The following LACTB2 variants were observed in gnomAD, a reference collection of about 807,000 sequenced individuals.
The protein encoded by LACTB2 is lactamase beta 2, also known as endoribonuclease LACTB2.
A neutral mutation model predicts 34.8 loss-of-function variants in LACTB2; 32 were observed. The ratio of observed to expected loss-of-function variants is 0.92; its 90% CI spans 0.69 to 1.24. The LOEUF (loss-of-function observed/expected upper bound fraction) is 1.24. Ranked by LOEUF, LACTB2 falls within the 50% of genes most tolerant of loss-of-function variation. The pLI, the probability that LACTB2 is intolerant of heterozygous loss-of-function variation, is 0.00. For missense variants in LACTB2, 320 were observed against 345.0 expected (o/e 0.93, Z 0.57); for synonymous variants, 120 against 117.5 (o/e 1.02, Z -0.14).
intron 2 of LACTB2, among the ~76,000 whole-genome samples, chr8:70,659,551 A>G (rs1037665352): frequency 6.6e-6 from 1 of 152,218 alleles, no homozygotes; most frequent in Non-Finnish European, 1.5e-5. Context: ...GCCGAAGGAA[A>G]ACAATGATAT....
intron 3 of LACTB2, among the ~76,000 whole-genome samples, chr8:70,649,777 C>T (rs1432897444): frequency 6.6e-6 from 1 of 152,180 alleles, no homozygotes; most frequent in Non-Finnish European, 1.5e-5. Context: ...CTAGACGCAA[C>T]CACTTTCACC....
intron 2 of LACTB2, among the ~76,000 whole-genome samples, chr8:70,659,226 A>C (rs1241121032): frequency 6.6e-6 from 1 of 152,096 alleles, no homozygotes. Flanking sequence ...ATCACTGCAC[A>C]CTCTTTAGTA....
In LACTB2 at chr8:70,643,745, C is replaced by T. The variant is rs189180208; in HGVS notation, c.592+320G>A. ...GGCCAGGCTGGTCTTGAACTCCTGA[C>T]CTCATGATCTGCCCACCTTGGCATC... On this transcript the variant is annotated intron_variant, in intron 4 of 6. Transcript: ENST00000276590. Among the ~76,000 whole-genome samples the T allele has an allele frequency of 3.1e-3, 465 of 152,228 alleles. 1 individual carries two copies. Among genetic ancestry groups the T allele is most frequent in the Middle Eastern group, 0.027 (8 of 294 alleles).
chr8:70,666,557 C>G (rs62533061), intron 1 of LACTB2, among the ~76,000 whole-genome samples: 46 of 152,060 alleles, frequency 3.0e-4, no homozygotes, highest in Non-Finnish European at 6.3e-4. Context: ...CTGATGGAGG[C>G]CAGAATACAC....
At chr8:70,660,770 C>T (rs1016299795) in intron 2 of LACTB2, 3 of 456,272 alleles carry the variant, frequency 6.6e-6, no homozygotes, top group African/African-American at 6.0e-5. Flanking sequence ...CTGCATAGCA[C>T]CCATGATTAT....
At chr8:70,668,947 C>G (rs949190572) in intron 1 of LACTB2, 52 bp downstream of exon 1, 1 of 1,549,918 alleles carries the variant, frequency 6.5e-7, no homozygotes, top group Non-Finnish European at 8.7e-7. Context: ...AGTCAAAGCC[C>G]GGGCTCCGGG....
chr8:70,658,968 A>G (rs1336422345), intron 2 of LACTB2, among the ~76,000 whole-genome samples: 2 of 151,604 alleles, frequency 1.3e-5, no homozygotes, highest in Non-Finnish European at 2.9e-5. Flanking sequence ...CGGAGGTTGC[A>G]GTGAGCCAAG....
intron 4 of LACTB2, among the ~76,000 whole-genome samples, chr8:70,642,733 C>T (rs192240000): frequency 7.5e-4 from 114 of 152,256 alleles, no homozygotes; most frequent in African/African-American, 2.6e-3. Context: ...ATCTGCCTGC[C>T]TTGGCCTCCC....
At chr8:70,668,904 G>T in intron 1 of LACTB2, 95 bp downstream of exon 1, 1 of 1,504,684 alleles carries the variant, frequency 6.6e-7, no homozygotes, top group Non-Finnish European at 8.9e-7. Flanking sequence ...GGGACAGGAC[G>T]CGGCGCTCTC....
At chr8:70,666,954 CAA>C (rs765510452) in intron 1 of LACTB2, among the ~76,000 whole-genome samples, 28 of 152,094 alleles carry the variant, frequency 1.8e-4, no homozygotes, top group Non-Finnish European at 3.1e-4. Flanking sequence ...GTCTGAAGAT[CAA>C]GTTTGGAATT....
In LACTB2 at chr8:70,644,300, AT is replaced by A. The variant is rs1044114048; in HGVS notation, c.414-58del. 1.1e-5 allele frequency: 13 copies of A among 1,210,410 alleles called. No homozygotes were observed. The African/African-American group carries it at 1.4e-4, about 13-fold the overall frequency. The allele number at this position is 1,210,410 out of a possible 1,614,324, so 75.0% of individuals were successfully genotyped here. On this transcript the variant is annotated intron_variant, in intron 3 of 6. Coordinates refer to ENST00000276590, the MANE Select transcript of LACTB2 (RefSeq NM_016027.3). ...AATTATGAACTCGAGCTTAGAAGAA[AT>A]TTTGAGAAGTAAATTATTCTGTATC...
In LACTB2 at chr8:70,669,153, ATCTGGAT is replaced by A. The variant is rs751884119; in HGVS notation, c.-40_-34del. The A allele has an allele frequency of 5.0e-6, 8 of 1,610,262 alleles. No homozygotes were observed. In the East Asian group the frequency reaches 1.6e-4, roughly 31 times the overall value. ...TCAGCCGCCCGCCGGCGTGTCGCCTATCTGGATACTCCAGCGCGGAAGAAGCCAACAG... is the reference window on the plus strand; with the variant it reads ...TCAGCCGCCCGCCGGCGTGTCGCCTAACTCCAGCGCGGAAGAAGCCAACAG... On this transcript the variant is annotated 5_prime_UTR_variant, in exon 1 of 7. Transcript: ENST00000276590.
At chr8:70,642,198 C>T (rs1327351370) in intron 4 of LACTB2, among the ~76,000 whole-genome samples, 1 of 152,220 alleles carries the variant, frequency 6.6e-6, no homozygotes. Context: ...TCAACGTCTG[C>T]CCTCTTCGCT....
chr8:70,650,468 C>T (rs28446703), intron 3 of LACTB2, among the ~76,000 whole-genome samples: 1,705 of 152,170 alleles, frequency 0.011, 27 homozygotes, highest in Non-Finnish European at 0.017. Flanking sequence ...AGGCCAGGTG[C>T]GGTAGCTCAT....
intron 3 of LACTB2, among the ~76,000 whole-genome samples, chr8:70,653,258 ACAC>A (rs1471408766): frequency 6.6e-6 from 1 of 152,082 alleles, no homozygotes. Flanking sequence ...CCATAGGCAC[ACAC>A]CACCATGCCT....
chr8:70,657,467 G>A (rs1490479424), intron 3 of LACTB2, among the ~76,000 whole-genome samples: 1 of 142,866 alleles, frequency 7.0e-6, no homozygotes, highest in Non-Finnish European at 1.5e-5. Context: ...GGTTTCACTC[G>A]GTTGCACAGG....
intron 1 of LACTB2, chr8:70,662,432 G>C (rs367727486): frequency 3.3e-4 from 50 of 152,070 alleles, no homozygotes; most frequent in African/African-American, 1.2e-3. Flanking sequence ...CTAGTCTTTG[G>C]CACTAGATAT....
At chr8:70,660,936 C>A (rs575113562) in intron 2 of LACTB2, 12 of 456,070 alleles carry the variant, frequency 2.6e-5, no homozygotes, top group African/African-American at 1.0e-4. Context: ...CGCCACCATA[C>A]CCGGGAAATT....
chr8:70,655,566 A>G (rs578239274), intron 3 of LACTB2, among the ~76,000 whole-genome samples: 1 of 152,196 alleles, frequency 6.6e-6, no homozygotes, highest in Non-Finnish European at 1.5e-5. Context: ...TCCATCATAT[A>G]TATATACCAC....
Sources: allele counts gnomAD v4.1 joint callset (sites outside exome capture counted in the v4.1 genomes callset), GRCh38; gene constraint gnomAD v4.1.1; transcripts MANE v1.5; gene names NCBI Gene and HGNC (gene_info 2026-07-23, HGNC 2026-07-21).